The following TRIM9 variants were observed in gnomAD, a reference collection of about 807,000 sequenced individuals.
TRIM9 encodes E3 ubiquitin-protein ligase TRIM9.
TRIM9 carries 26 observed loss-of-function variants against 78.3 expected under a neutral mutation model. The ratio of observed to expected loss-of-function variants is 0.33; its 90% confidence interval spans 0.24 to 0.46. The LOEUF (loss-of-function observed/expected upper bound fraction) is 0.46. Among genes scored for constraint, TRIM9 ranks in the 20% least tolerant of loss-of-function variants. The pLI is 1.00. For synonymous variants in TRIM9, 398 were observed against 416.5 expected (o/e 0.96, Z 0.54); for missense variants, 787 against 1,036.4 (o/e 0.76, Z 3.30).
At chr14:51,040,159 A>C (rs536137950) in intron 1 of TRIM9, among the ~76,000 whole-genome samples, 1 of 152,228 alleles carries the variant, frequency 6.6e-6, no homozygotes, top group Non-Finnish European at 1.5e-5. Flanking sequence ...TGCAAGAAAA[A>C]GTAAATATTT....
chr14:51,023,844 T>C (rs943124502), intron 2 of TRIM9, among the ~76,000 whole-genome samples: 1 of 152,206 alleles, frequency 6.6e-6, no homozygotes, highest in African/African-American at 2.4e-5. Context: ...CACCACCCAG[T>C]TGAGTAAACT....
At chr14:51,058,479 A>G (rs12588888) in intron 1 of TRIM9, among the ~76,000 whole-genome samples, 45,326 of 152,158 alleles carry the variant, frequency 0.3, 7,298 homozygotes, top group African/African-American at 0.41. Context: ...CTCTTCAGCT[A>G]GGTGTGGCCC....
At chr14:50,986,857 T>C (rs1471755296) in intron 7 of TRIM9, among the ~76,000 whole-genome samples, 1 of 152,220 alleles carries the variant, frequency 6.6e-6, no homozygotes, top group East Asian at 1.9e-4. Context: ...GTGAGGTGCA[T>C]TGGTGGCAAA....
At chr14:51,090,501 T>A (rs945483205) in intron 1 of TRIM9, 2 of 152,170 alleles carry the variant, frequency 1.3e-5, no homozygotes, top group Non-Finnish European at 2.9e-5. Context: ...TGAGACAAGA[T>A]TAAGAATGAA....
Position 50,979,522 on chromosome 14 carries a change from G to T in TRIM9, c.2190C>A (p.Ala730=). ...TTAAGTCGAGGAGGACCCCAATTGT[G>T]GCCCCTTTTGTGATCCCTCCCTCAG... ...NRTEGGITKG[A]TIGVLLDLNR... Residue 730 remains alanine (A), a synonymous_variant, in exon 12 of 13, where the codon GCC becomes GCA. Coordinates refer to ENST00000684578, the MANE Select transcript of TRIM9 (RefSeq NM_001387360.1). 4 of 1,614,092 alleles carry T rather than the reference G, an allele frequency of 2.5e-6. No homozygotes were observed. Among genetic ancestry groups the T allele is most frequent in the Non-Finnish European group, 2.5e-6 (3 of 1,180,006 alleles).
intron 10 of TRIM9, 106 bp from the exon 11 acceptor site, chr14:50,982,209 GC>G: frequency 7.3e-7 from 1 of 1,377,582 alleles, no homozygotes; most frequent in Non-Finnish European, 9.9e-7. Flanking sequence ...TTTTCATGCT[GC>G]CATGCAGGAA....
At chr14:51,010,830 T>C (rs972352602) in intron 3 of TRIM9, among the ~76,000 whole-genome samples, 7 of 152,128 alleles carry the variant, frequency 4.6e-5, no homozygotes, top group Non-Finnish European at 8.8e-5. Context: ...TGCTGAGCGA[T>C]GTTTGCTGGG....
At chr14:51,020,558 C>G (rs2057660094) in intron 3 of TRIM9, among the ~76,000 whole-genome samples, 1 of 152,242 alleles carries the variant, frequency 6.6e-6, no homozygotes. Flanking sequence ...TCCGCATTCC[C>G]TGCTGGGGCA....
intron 1 of TRIM9, among the ~76,000 whole-genome samples, chr14:51,080,438 C>A (rs1271105214): frequency 4.9e-4 from 1 of 2,052 alleles, no homozygotes; most frequent in African/African-American, 6.1e-3. Flanking sequence ...TTTTATTGAA[C>A]ACACACACAC....
intron 1 of TRIM9, among the ~76,000 whole-genome samples, chr14:51,060,794 T>A (rs566735250): frequency 5.9e-5 from 9 of 152,198 alleles, no homozygotes; most frequent in Admixed American, 5.2e-4. Context: ...AAGAAGCAGA[T>A]TGATTCTTAC....
At chr14:50,978,554 CTCACCGGTAACTGCGA>C (rs2051367562) in intron 12 of TRIM9, among the ~76,000 whole-genome samples, 1 of 152,202 alleles carries the variant, frequency 6.6e-6, no homozygotes, top group Non-Finnish European at 1.5e-5. Flanking sequence ...TAAGGCTCAG[CTCACCGGTAACTGCGA>C]TAAGCCCTAC....
At chr14:51,034,977 T>C (rs916486123) in intron 1 of TRIM9, among the ~76,000 whole-genome samples, 3 of 152,216 alleles carry the variant, frequency 2.0e-5, no homozygotes, top group Non-Finnish European at 4.4e-5. Context: ...CTGAGTATTA[T>C]GTAGCTATTG....
chr14:51,067,204 T>C (rs78793252), intron 1 of TRIM9, among the ~76,000 whole-genome samples: 39 of 152,310 alleles, frequency 2.6e-4, no homozygotes, highest in African/African-American at 8.7e-4. Context: ...TCTTAATACA[T>C]AGTGCCATTA....
At chr14:50,986,376 CT>C in intron 7 of TRIM9, 1 of 361,160 alleles carries the variant, frequency 2.8e-6, no homozygotes, top group Non-Finnish European at 4.9e-6. Context: ...ATTGTTGTCA[CT>C]TTCCCGATTT....
At chr14:50,992,292 A>C (rs1395171226) in intron 7 of TRIM9, among the ~76,000 whole-genome samples, 1 of 152,138 alleles carries the variant, frequency 6.6e-6, no homozygotes, top group Non-Finnish European at 1.5e-5. Context: ...AATATGAGCA[A>C]AGGAGCTGGG....
chr14:50,989,055 G>A (rs568183202), intron 7 of TRIM9, among the ~76,000 whole-genome samples: 10 of 152,264 alleles, frequency 6.6e-5, no homozygotes, highest in Middle Eastern at 3.4e-3. Flanking sequence ...GGGCCACATG[G>A]AACAGATCAC....
intron 3 of TRIM9, among the ~76,000 whole-genome samples, chr14:51,014,207 CT>C (rs2139674196): frequency 6.6e-6 from 1 of 152,318 alleles, no homozygotes; most frequent in East Asian, 1.9e-4. Flanking sequence ...ACATTTGCTT[CT>C]ATAAATTTCC....
chr14:51,037,408 A>T (rs1231683158), intron 1 of TRIM9, among the ~76,000 whole-genome samples: 1 of 152,128 alleles, frequency 6.6e-6, no homozygotes, highest in Non-Finnish European at 1.5e-5. Flanking sequence ...TGCATGCATG[A>T]CCTAGACCCC....
chr14:51,095,019 C>G lies in TRIM9; in HGVS notation c.-80G>C. On this transcript the variant is annotated 5_prime_UTR_variant, in exon 1 of 13. Transcript: ENST00000684578. ...AGGTGGCCGACGGGCCCGTCTTGTC[C>G]AGCACCCTGGCCAGCGGCGGCGGCT... is the stretch of plus-strand genomic sequence containing the variant. The G allele has an allele frequency of 8.8e-7, 1 of 1,138,870 alleles. No individual in the cohort carries two copies. The highest frequency in any genetic ancestry group is 1.1e-6 in the Non-Finnish European group (1 of 869,732). 70.5% of individuals were successfully genotyped at this position (1,138,870 alleles called of 1,614,324 possible). A position where few individuals can be genotyped will look rare whatever the true frequency, so the allele number is the denominator to read the frequency against.
Sources: gnomAD v4.1 joint callset for allele counts (sites outside exome capture counted in the v4.1 genomes callset) on GRCh38, gnomAD v4.1.1 for gene constraint, MANE v1.5 for transcripts, NCBI Gene and HGNC (gene_info 2026-07-23, HGNC 2026-07-21) for gene names.